PLCG1: variants seen among roughly 807,000 people sequenced by gnomAD.
PLCG1 encodes the protein 1-phosphatidylinositol 4,5-bisphosphate phosphodiesterase gamma-1.
PLCG1 carries 71 observed loss-of-function variants against 177.8 expected under a neutral mutation model. That is an observed-to-expected ratio of 0.40 (90% CI 0.33 to 0.49). The LOEUF is 0.49. Ranked by LOEUF, PLCG1 falls within the 20% of genes least tolerant of loss-of-function variation. PLCG1 has a pLI of 0.72. For missense variants in PLCG1, 1,281 were observed against 1,709.0 expected, an observed-to-expected ratio of 0.75 and a Z score of 4.42; for synonymous variants, 658 against 647.9, an observed-to-expected ratio of 1.02 and a Z score of -0.24.
intron 1 of PLCG1, among the ~76,000 whole-genome samples, chr20:41,154,167 A>G (rs898007153): frequency 2.0e-5 from 3 of 152,126 alleles, no homozygotes; most frequent in Non-Finnish European, 4.4e-5. Context: ...CCACCTTGCC[A>G]GTGCTTTTGT....
rs2036084119 is a variant in PLCG1, at chr20:41,177,063, C to T, written c.*2554C>T. ...AAATGAGTAACAAGGGTTGAAAAACCCTGATTTTGGCAGCACAAACCAAAA... is the reference window on the plus strand; with the variant it reads ...AAATGAGTAACAAGGGTTGAAAAACTCTGATTTTGGCAGCACAAACCAAAA... On this transcript the variant is annotated 3_prime_UTR_variant, in exon 32 of 32. Coordinates refer to ENST00000685551, the MANE Select transcript of PLCG1 (RefSeq NM_002660.3). 1 of 152,186 alleles carries T rather than the reference C, an allele frequency of 6.6e-6. No homozygotes were observed. The highest frequency in any genetic ancestry group is 2.4e-5 in the African/African-American group (1 of 41,438). The allele number at this position is 152,186 out of a possible 1,614,324, so 9.4% of individuals were successfully genotyped here. A position where few individuals can be genotyped will look rare whatever the true frequency, so the allele number is the denominator to read the frequency against.
intron 1 of PLCG1, among the ~76,000 whole-genome samples, chr20:41,138,964 C>A (rs375399447): frequency 6.6e-6 from 1 of 152,116 alleles, no homozygotes; most frequent in Non-Finnish European, 1.5e-5. Flanking sequence ...CTTGCAGGGA[C>A]CCCCGGAGAC....
At position 41,164,861 on chromosome 20, in the gene PLCG1, T is replaced by C. The variant is rs1391188863; in HGVS notation, c.1218-72T>C. 3 of 1,474,276 alleles carry C rather than the reference T, an allele frequency of 2.0e-6. No individual in the cohort carries two copies. The highest frequency in any genetic ancestry group is 2.8e-6 in the Non-Finnish European group (3 of 1,077,420). 91.3% of individuals were successfully genotyped at this position (1,474,276 alleles called of 1,614,324 possible). A position where few individuals can be genotyped will look rare whatever the true frequency, so the allele number is the denominator to read the frequency against. On this transcript the variant is annotated intron_variant, in intron 12 of 31. Coordinates refer to ENST00000685551, the MANE Select transcript of PLCG1 (RefSeq NM_002660.3). This position sits in a 1 kb window ranked among gnomAD's most constrained non-coding sequence, Gnocchi z 6.4. ...CCCCAGGCCCTTGGCTTCCAACAGCTCACTGTGAGGGGCTACTTAGACCCA... is the reference window on the plus strand; with the variant it reads ...CCCCAGGCCCTTGGCTTCCAACAGCCCACTGTGAGGGGCTACTTAGACCCA...
chr20:41,160,517 G>A lies in PLCG1; in HGVS notation c.512+364G>A, dbSNP rs2035461598. ...AGCCAGAGGGGCCAAGGAGAGAAGG[G>A]GGAGCAAAGACCAGATAGTGTGGGT... is the stretch of plus-strand genomic sequence containing the variant. On this transcript the variant is annotated intron_variant, in intron 4 of 31. Transcript: ENST00000685551. This position sits in a 1 kb window ranked among gnomAD's most constrained non-coding sequence, Gnocchi z 5.5. 6.6e-6 allele frequency among the ~76,000 whole-genome samples: 1 copy of A among 152,176 alleles called. No homozygotes were observed. Among genetic ancestry groups the A allele is most frequent in the Non-Finnish European group, 1.5e-5 (1 of 68,028 alleles).
chr20:41,168,975 G>C (rs780229116), intron 21 of PLCG1, 104 bp from the exon 22 acceptor site: 3 of 1,158,408 alleles, frequency 2.6e-6, no homozygotes, highest in Non-Finnish European at 3.9e-6. Context: ...CACCAGCAGT[G>C]CCTGCCTCAC....
rs2035600279 is a variant in PLCG1, at chr20:41,163,979, C to T, written c.1069C>T (p.Leu357=). 6.2e-7 allele frequency: 1 copy of T among 1,614,086 alleles called. No individual in the cohort carries two copies. The highest frequency in any genetic ancestry group is 1.3e-5 in the African/African-American group (1 of 74,920). ...CTCCTTGGAAGCCTATGCTCGCTGC[C>T]TGCGGATGGGCTGTCGCTGCATTGA... is the stretch of plus-strand genomic sequence containing the variant. ...ESSLEAYARC[L]RMGCRCIELD... Residue 357 remains leucine, a synonymous_variant, in exon 11 of 32, where the codon CTG becomes TTG. Transcript: ENST00000685551. This position sits in a 1 kb window ranked among gnomAD's most constrained non-coding sequence, Gnocchi z 5.2.
chr20:41,171,957 GA>G (rs1156775121), intron 24 of PLCG1, among the ~76,000 whole-genome samples: 1 of 152,236 alleles, frequency 6.6e-6, no homozygotes, highest in Non-Finnish European at 1.5e-5. Flanking sequence ...CCCCCCCTAA[GA>G]GGGTTGGAGG....
intron 24 of PLCG1, chr20:41,170,820 C>T (rs887165123): frequency 6.5e-6 from 1 of 152,854 alleles, no homozygotes; most frequent in Non-Finnish European, 1.5e-5. Flanking sequence ...CCTTGTGAGA[C>T]TTTTGAGCTG....
Position 41,165,471 on chromosome 20 carries a change from G to T in PLCG1, c.1531G>T (p.Val511Phe). 1 of 1,614,086 alleles carries T rather than the reference G, an allele frequency of 6.2e-7. No individual in the cohort carries two copies. Residue 511 changes from valine to phenylalanine, a missense_variant, in exon 15 of 32, where the codon GTT (valine) becomes TTT (phenylalanine). Around this residue, in one of 4 missense-constraint regions of PLCG1, gnomAD observed 723 missense variants for 1,030.0 expected, o/e 0.70. Transcript: ENST00000685551. The surrounding 1 kb of genome is among the most constrained non-coding windows in gnomAD (Gnocchi z 6.6). The stretch of plus-strand genomic sequence containing the variant: ...CCAGGAATGGTATCCCCACTACTTT[G>T]TTCTGACCAGCAGCAAGATCTACTA... ...VNHEWYPHYF[V>F]LTSSKIYYSE...
In PLCG1 at chr20:41,166,929, G is replaced by T. The variant is rs1365792617; in HGVS notation, c.2301+70G>T. ...AGACCCAGAATCTTACCAGTCTCTG[G>T]ATGTGTGTAACAGCAAGACCTGGTG... On this transcript the variant is annotated intron_variant, in intron 19 of 31. Transcript: ENST00000685551. The surrounding 1 kb of genome is among the most constrained non-coding windows in gnomAD (Gnocchi z 8.6). The T allele has an allele frequency of 2.0e-5, 28 of 1,426,434 alleles. No homozygotes were observed. Among genetic ancestry groups the T allele is most frequent in the African/African-American group, 2.8e-5 (2 of 71,374 alleles). 88.4% of individuals were successfully genotyped at this position (1,426,434 alleles called of 1,614,324 possible).
chr20:41,143,591 T>C (rs1254330879), intron 1 of PLCG1, among the ~76,000 whole-genome samples: 2 of 152,138 alleles, frequency 1.3e-5, no homozygotes, highest in Non-Finnish European at 2.9e-5. Flanking sequence ...GTGGCAAGAC[T>C]CAAGGTGGAG....
chr20:41,154,150 C>G (rs1337769165), intron 1 of PLCG1, among the ~76,000 whole-genome samples: 1 of 152,180 alleles, frequency 6.6e-6, no homozygotes, highest in African/African-American at 2.4e-5. Context: ...GGGTCCAGGC[C>G]TCCTGCCCAC....
Position 41,167,331 on chromosome 20 carries a change from G to A in PLCG1, c.2301+472G>A, listed in dbSNP as rs2035733433. Among the ~76,000 whole-genome samples the A allele has an allele frequency of 6.6e-6, 1 of 152,184 alleles. No homozygotes were observed. Among genetic ancestry groups the A allele is most frequent in the Admixed American group, 6.5e-5 (1 of 15,282 alleles). On this transcript the variant is annotated intron_variant, in intron 19 of 31. Coordinates refer to ENST00000685551, the MANE Select transcript of PLCG1 (RefSeq NM_002660.3). The surrounding 1 kb of genome is among the most constrained non-coding windows in gnomAD (Gnocchi z 4.4). ...CAGCACAGCTGGTGATAAGGGCCCT[G>A]GACAGAAGGAAGGGGTCTAGGACCA...
intron 20 of PLCG1, among the ~76,000 whole-genome samples, chr20:41,168,342 G>A (rs2035772499): frequency 6.6e-6 from 1 of 152,226 alleles, no homozygotes; most frequent in African/African-American, 2.4e-5. Flanking sequence ...CAGGGGACCT[G>A]GAAGGAAGTT....
At chr20:41,138,632 T>C (rs1427401861) in intron 1 of PLCG1, among the ~76,000 whole-genome samples, 2 of 152,086 alleles carry the variant, frequency 1.3e-5, no homozygotes, top group African/African-American at 4.8e-5. Flanking sequence ...CCCCAGCGCC[T>C]TGGAGTCAGG....
Position 41,165,710 on chromosome 20 carries a change from G to A in PLCG1, c.1683G>A (p.Gly561=), listed in dbSNP as rs199635038. ...FHGKLGAGRD[G]RHIAERLLTE... is the part of the protein sequence containing the mutation. ...GGAAGCTAGGGGCAGGGCGTGACGG[G>A]CGTCACATCGCTGAGCGCCTGCTTA... The change falls in exon 16 of 32, where the codon GGG becomes GGA. Residue 561 remains glycine, a synonymous_variant. Coordinates refer to ENST00000685551, the MANE Select transcript of PLCG1 (RefSeq NM_002660.3). The surrounding 1 kb of genome is among the most constrained non-coding windows in gnomAD (Gnocchi z 6.6). The A allele has an allele frequency of 1.9e-6, 3 of 1,613,902 alleles. No homozygotes were observed. Among genetic ancestry groups the A allele is most frequent in the East Asian group, 2.2e-5 (1 of 44,876 alleles).
rs1431657725 is a variant in PLCG1, at chr20:41,175,836, A to G, written c.*1327A>G. 1 of 152,604 alleles carries G rather than the reference A, an allele frequency of 6.6e-6. No individual in the cohort carries two copies. The highest frequency in any genetic ancestry group is 1.5e-5 in the Non-Finnish European group (1 of 68,040). 9.5% of individuals were successfully genotyped at this position (152,604 alleles called of 1,614,324 possible). A position where few individuals can be genotyped will look rare whatever the true frequency, so the allele number is the denominator to read the frequency against. On this transcript the variant is annotated 3_prime_UTR_variant, in exon 32 of 32. Coordinates refer to ENST00000685551, the MANE Select transcript of PLCG1 (RefSeq NM_002660.3). ...GTAGAAGCAGGTAGGAAATTTCTGG[A>G]AATTTCTCAGGTTAAGCAGCAAGAG...
rs980666814 is a variant in PLCG1, at chr20:41,166,617, TGTG to T, written c.2120+24_2120+26del. On this transcript the variant is annotated intron_variant, in intron 18 of 31. Transcript: ENST00000685551. The surrounding 1 kb of genome is among the most constrained non-coding windows in gnomAD (Gnocchi z 8.6). ...TCCGGTGAGGGGTGTGGCACTGGGT[TGTG>T]GGGCCTTGCTTGGGTCTGAGCTGCC... is the stretch of plus-strand genomic sequence containing the variant. The T allele has an allele frequency of 6.2e-7, 1 of 1,614,044 alleles. No individual in the cohort carries two copies. Among genetic ancestry groups the T allele is most frequent in the African/African-American group, 1.3e-5 (1 of 75,038 alleles).
chr20:41,169,292 G>T, intron 22 of PLCG1, 117 bp downstream of exon 22: 1 of 957,682 alleles, frequency 1.0e-6, no homozygotes, highest in South Asian at 1.3e-5. Flanking sequence ...CACATGGGCT[G>T]GTCGCACAGC....
Sources: gnomAD v4.1 joint callset for allele counts (sites outside exome capture counted in the v4.1 genomes callset) on GRCh38, gnomAD v4.1.1 for gene constraint, gnomAD v4.1.1 regional missense constraint, Gnocchi (gnomAD v3.1) non-coding constraint, MANE v1.5 for transcripts, NCBI Gene and HGNC (gene_info 2026-07-23, HGNC 2026-07-21) for gene names.